Variants in TMEM132D observed in about 807,000 individuals in gnomAD.
The protein encoded by TMEM132D is mature OL transmembrane protein.
A neutral mutation model predicts 62.3 loss-of-function variants in TMEM132D; 21 were observed. The observed-to-expected ratio is 0.34, with a 90% CI of 0.24 to 0.49. TMEM132D has a LOEUF of 0.49. Ranked by LOEUF, TMEM132D falls within the 20% of genes least tolerant of loss-of-function variation. The probability of loss-of-function intolerance (pLI) is 0.99; values close to 1 mark genes in which losing one functional copy is unlikely to be tolerated. For missense variants in TMEM132D, 1,346 were observed against 1,402.8 expected, an observed-to-expected ratio of 0.96 and a Z score of 0.65; for synonymous variants, 621 against 575.6, an observed-to-expected ratio of 1.08 and a Z score of -1.13.
chr12:129,117,775 TTTTC>T (rs1331904351), intron 5 of TMEM132D, among the ~76,000 whole-genome samples: 2 of 152,250 alleles, frequency 1.3e-5, no homozygotes, highest in Middle Eastern at 3.2e-3. Context: ...TTAAGGATTT[TTTTC>T]TTTAATTCAC....
intron 2 of TMEM132D, among the ~76,000 whole-genome samples, chr12:129,678,795 C>T (rs1003608502): frequency 6.6e-6 from 1 of 152,002 alleles, no homozygotes; most frequent in Non-Finnish European, 1.5e-5. Flanking sequence ...GACATCAATG[C>T]CTATAAATGG....
intron 3 of TMEM132D, among the ~76,000 whole-genome samples, chr12:129,428,827 AG>A (rs1872569112): frequency 6.6e-6 from 1 of 152,242 alleles, no homozygotes; most frequent in Admixed American, 6.5e-5. Flanking sequence ...AGAGGGGACC[AG>A]GGAAAATTGC....
chr12:129,778,170 TAAGAA>T (rs1367144006), intron 1 of TMEM132D, among the ~76,000 whole-genome samples: 4 of 114,098 alleles, frequency 3.5e-5, no homozygotes, highest in African/African-American at 1.2e-4. Flanking sequence ...TTTAACAATC[TAAGAA>T]AAGAAGGAAT....
intron 4 of TMEM132D, among the ~76,000 whole-genome samples, chr12:129,229,865 G>A (rs2135577945): frequency 6.6e-6 from 1 of 152,322 alleles, no homozygotes; most frequent in African/African-American, 2.4e-5. Flanking sequence ...GCTGATGAGG[G>A]TGCAGTGGTG....
In TMEM132D at chr12:129,099,912, G is replaced by A. The variant is rs190546969; in HGVS notation, c.1444-15210C>T. 1.2e-3 allele frequency among the ~76,000 whole-genome samples: 150 copies of A among 120,628 alleles called. 9 individuals are homozygous for A. The South Asian group carries it at 0.031, about 25-fold the overall frequency. The allele number at this position is 120,628 out of a possible 152,430, so 79.1% of individuals were successfully genotyped here. ...AGGATCTCGGCTCACTGCAAGCTCC[G>A]CCTCCCGGGTTCACGCCATTCTCCT... On this transcript the variant is annotated intron_variant, in intron 5 of 8. Transcript: ENST00000422113.
chr12:129,294,757 C>T (rs907355770), intron 4 of TMEM132D, among the ~76,000 whole-genome samples: 1 of 152,178 alleles, frequency 6.6e-6, no homozygotes, highest in African/African-American at 2.4e-5. Context: ...GCTCCCATCA[C>T]CCCCCTGCAG....
chr12:129,814,867 T>C (rs909617521), intron 1 of TMEM132D, among the ~76,000 whole-genome samples: 6 of 152,176 alleles, frequency 3.9e-5, no homozygotes, highest in Admixed American at 1.3e-4. Context: ...AATTGCTACC[T>C]TCTTATCCTT....
At chr12:129,473,786 G>C (rs1874174687) in intron 3 of TMEM132D, among the ~76,000 whole-genome samples, 1 of 152,202 alleles carries the variant, frequency 6.6e-6, no homozygotes, top group African/African-American at 2.4e-5. Flanking sequence ...ATGGTGATCT[G>C]GAACTGAACC....
At chr12:129,484,198 G>C (rs1195030861) in intron 3 of TMEM132D, among the ~76,000 whole-genome samples, 1 of 152,228 alleles carries the variant, frequency 6.6e-6, no homozygotes, top group East Asian at 1.9e-4. Context: ...TTGAACTCCT[G>C]AGCTCAGATG....
At chr12:129,574,965 G>T (rs1333958110) in intron 2 of TMEM132D, among the ~76,000 whole-genome samples, 2 of 151,728 alleles carry the variant, frequency 1.3e-5, no homozygotes, top group Admixed American at 6.6e-5. Flanking sequence ...CTTCCTGCTT[G>T]CAGAGACGCA....
chr12:129,423,398 A>G (rs1339117704), intron 3 of TMEM132D, among the ~76,000 whole-genome samples: 2 of 151,944 alleles, frequency 1.3e-5, no homozygotes, highest in Non-Finnish European at 1.5e-5. Flanking sequence ...AGAGGAAGCC[A>G]CTCTCTTCTG....
intron 1 of TMEM132D, among the ~76,000 whole-genome samples, chr12:129,842,097 A>ATTGT (rs1566005017): frequency 3.1e-5 from 3 of 97,446 alleles, no homozygotes; most frequent in Non-Finnish European, 3.9e-5. Flanking sequence ...CGCCCGGCTA[A>ATTGT]TTTTTTTTTT....
intron 3 of TMEM132D, among the ~76,000 whole-genome samples, chr12:129,513,603 G>A (rs1192146190): frequency 1.3e-5 from 2 of 150,976 alleles, no homozygotes; most frequent in African/African-American, 4.9e-5. Flanking sequence ...TCCTGCCTCA[G>A]CCTCCCGAGT....
chr12:129,848,246 C>T (rs1019231190), intron 1 of TMEM132D, among the ~76,000 whole-genome samples: 5 of 152,262 alleles, frequency 3.3e-5, no homozygotes, highest in South Asian at 2.1e-4. Context: ...ACTCAAAAAT[C>T]GTTTCCTAAT....
chr12:129,221,902 T>C (rs1879357523), intron 4 of TMEM132D, among the ~76,000 whole-genome samples: 2 of 152,190 alleles, frequency 1.3e-5, no homozygotes, highest in African/African-American at 4.8e-5. Context: ...TAGTTGACCA[T>C]AGAAATACTA....
At chr12:129,704,688 A>C (rs1755992257) in intron 1 of TMEM132D, among the ~76,000 whole-genome samples, 1 of 146,442 alleles carries the variant, frequency 6.8e-6, no homozygotes, top group African/African-American at 2.4e-5. Context: ...ATGCCGGGTC[A>C]TATGGTAACA....
chr12:129,259,232 CT>C (rs1880488598), intron 4 of TMEM132D, among the ~76,000 whole-genome samples: 1 of 152,158 alleles, frequency 6.6e-6, no homozygotes, highest in Non-Finnish European at 1.5e-5. Context: ...GCAGGAGGAT[CT>C]AGGCTGAGCA....
chr12:129,535,355 G>A (rs1289324771), intron 2 of TMEM132D, among the ~76,000 whole-genome samples: 1 of 152,214 alleles, frequency 6.6e-6, no homozygotes, highest in Non-Finnish European at 1.5e-5. Context: ...TACCTGGACA[G>A]CCGTATCCCC....
At position 129,482,934 on chromosome 12, in the gene TMEM132D, A is replaced by T. The variant is rs556497986; in HGVS notation, c.1115+48125T>A. ...CAAACATCTGGTTTTATCTCTGAGA[A>T]CATATTTAATCTGTGTGTGTGTGTG... On this transcript the variant is annotated intron_variant, in intron 3 of 8. Transcript: ENST00000422113. 1.1e-4 allele frequency among the ~76,000 whole-genome samples: 15 copies of T among 140,616 alleles called. No homozygotes were observed. In the South Asian group the frequency reaches 3.2e-3, roughly 30 times the overall value. 92.2% of individuals were successfully genotyped at this position (140,616 alleles called of 152,430 possible).
Sources: gnomAD v4.1 joint callset for allele counts (sites outside exome capture counted in the v4.1 genomes callset) on GRCh38, gnomAD v4.1.1 for gene constraint, MANE v1.5 for transcripts, NCBI Gene and HGNC (gene_info 2026-07-23, HGNC 2026-07-21) for gene names.